The following SLC5A10 variants were observed in gnomAD, a reference collection of about 807,000 sequenced individuals.
The protein encoded by SLC5A10 is solute carrier family 5 member 10.
SLC5A10 carries 55 observed loss-of-function variants against 68.9 expected under a neutral mutation model. That is an observed-to-expected ratio of 0.80 (90% CI 0.64 to 1.00). The LOEUF (loss-of-function observed/expected upper bound fraction) is 1.00, where lower values mean the gene tolerates loss of function less well. Among genes scored for constraint, SLC5A10 ranks in the 50% least tolerant of loss-of-function variants. The pLI, the probability that SLC5A10 is intolerant of heterozygous loss-of-function variation, is 0.00. For missense variants in SLC5A10, 732 were observed against 819.3 expected (o/e 0.89, Z 1.30); for synonymous variants, 344 against 344.8 (o/e 1.00, Z 0.02).
chr17:19,012,903 C>T (rs2044046033), intron 9 of SLC5A10, among the ~76,000 whole-genome samples: 1 of 152,254 alleles, frequency 6.6e-6, no homozygotes, highest in Non-Finnish European at 1.5e-5. Context: ...AGCCCTGCTG[C>T]ATGAGCTGCA....
At chr17:18,961,156 A>G (rs898372297) in intron 5 of SLC5A10, among the ~76,000 whole-genome samples, 3 of 152,134 alleles carry the variant, frequency 2.0e-5, no homozygotes, top group African/African-American at 7.2e-5. Context: ...CTCGAATGTC[A>G]GGGTCAGGAG....
At chr17:19,001,108 A>G (rs1469272824) in intron 9 of SLC5A10, among the ~76,000 whole-genome samples, 1 of 152,198 alleles carries the variant, frequency 6.6e-6, no homozygotes, top group African/African-American at 2.4e-5. Context: ...CATCTGAAAA[A>G]TGAGACAGAT....
chr17:18,977,692 G>T (rs749024147), intron 9 of SLC5A10: 5 of 1,610,268 alleles, frequency 3.1e-6, no homozygotes, highest in Non-Finnish European at 4.2e-6. Flanking sequence ...GTCCAACAAA[G>T]GTCCCTCGGG....
intron 9 of SLC5A10, among the ~76,000 whole-genome samples, chr17:19,007,189 C>A (rs796072459): frequency 7.7e-6 from 1 of 130,002 alleles, no homozygotes; most frequent in Admixed American, 8.5e-5. Context: ...GTGGTGTTAC[C>A]GCTATTTTTT....
At chr17:19,014,778 T>A (rs1055077312) in intron 10 of SLC5A10, among the ~76,000 whole-genome samples, 1 of 152,120 alleles carries the variant, frequency 6.6e-6, no homozygotes, top group African/African-American at 2.4e-5. Context: ...CTCAGCATTA[T>A]GAGTAATTAT....
intron 9 of SLC5A10, among the ~76,000 whole-genome samples, chr17:18,993,694 C>T (rs1393551077): frequency 6.6e-6 from 1 of 152,140 alleles, no homozygotes; most frequent in Non-Finnish European, 1.5e-5. Context: ...TGAGAAGTGC[C>T]GGGGGTGGAC....
chr17:18,979,672 TTC>T (rs1396147667), intron 9 of SLC5A10: 1 of 1,613,224 alleles, frequency 6.2e-7, no homozygotes, highest in Admixed American at 1.7e-5. Context: ...CACTCTGAGA[TTC>T]TGTTTTGGGA....
Position 19,003,364 on chromosome 17 carries a change from G to A in SLC5A10, c.983-10046G>A, listed in dbSNP as rs546032112. Among the ~76,000 whole-genome samples the A allele has an allele frequency of 2.1e-4, 32 of 152,170 alleles. No individual in the cohort carries two copies. Among genetic ancestry groups the A allele is most frequent in the African/African-American group, 7.7e-4 (32 of 41,526 alleles). On this transcript the variant is annotated intron_variant, in intron 9 of 14. Transcript: ENST00000395645. The surrounding 1 kb of genome is among the most constrained non-coding windows in gnomAD (Gnocchi z 4.5). ...GAAACTGCGGATCCCCACGAAGGTG[G>A]GGAGGAAACCTCCACCCAAGAGGCA...
rs151071669 is a variant in SLC5A10 at position 19,000,382 on chromosome 17, G to A, written c.983-13028G>A. 1.0e-3 allele frequency among the ~76,000 whole-genome samples: 157 copies of A among 152,302 alleles called. 6 individuals carry two copies. Among genetic ancestry groups the A allele is most frequent in the Admixed American group, 9.5e-3 (145 of 15,306 alleles). ...TTCCCATTTTACAGATGGGATGACC[G>A]GGGCTTGGAGAGGAGCTGGGGCTTG... On this transcript the variant is annotated intron_variant, in intron 9 of 14. Transcript: ENST00000395645. This position sits in a 1 kb window ranked among gnomAD's most constrained non-coding sequence, Gnocchi z 5.2.
In SLC5A10 at chr17:18,953,063, C is replaced by T. The variant is rs1041112099; in HGVS notation, c.111+747C>T. Among the ~76,000 whole-genome samples the T allele has an allele frequency of 2.6e-5, 4 of 152,042 alleles. No individual in the cohort carries two copies. The South Asian group carries it at 6.2e-4, about 24-fold the overall frequency. ...GGATGTTGGGCTCCACTTCTTAAGC[C>T]CCAGAGGTCCCCAGCCTGGCATCCC... On this transcript the variant is annotated intron_variant, in intron 1 of 14. Coordinates refer to ENST00000395645, the MANE Select transcript of SLC5A10 (RefSeq NM_001042450.4).
upstream of SLC5A10, among the ~76,000 whole-genome samples, chr17:18,951,278 C>T (rs561807051): frequency 5.9e-5 from 9 of 152,364 alleles, no homozygotes; most frequent in East Asian, 7.7e-4. Context: ...AGATGGAACT[C>T]GTCACTGTCA....
At chr17:18,979,403 G>A (rs2043072392) in intron 9 of SLC5A10, 1 of 947,572 alleles carries the variant, frequency 1.1e-6, no homozygotes, top group Non-Finnish European at 1.5e-6. Context: ...GAGACAGACA[G>A]GCGGGCAGAT....
chr17:18,970,799 T>C, intron 7 of SLC5A10: 1 of 582,636 alleles, frequency 1.7e-6, no homozygotes, highest in Non-Finnish European at 3.1e-6. Context: ...AATAGTATTA[T>C]TTTAAATACG....
Position 18,960,671 on chromosome 17 carries a change from C to T in SLC5A10, c.453+19C>T. ...GATATCGGTGAGCTGCCCCCGGCTC[C>T]CTGCTGGCATAGCCTGGAAACATCG... On this transcript the variant is annotated intron_variant, in intron 5 of 14. Transcript: ENST00000395645. 1 of 1,608,640 alleles carries T rather than the reference C, an allele frequency of 6.2e-7. No individual in the cohort carries two copies. Among genetic ancestry groups the T allele is most frequent in the Non-Finnish European group, 8.5e-7 (1 of 1,175,056 alleles).
At chr17:19,002,763 G>A (rs560853201) in intron 9 of SLC5A10, among the ~76,000 whole-genome samples, 3 of 152,288 alleles carry the variant, frequency 2.0e-5, no homozygotes, top group Non-Finnish European at 2.9e-5. Context: ...AATGTGTGAC[G>A]GTGTGTCAGC....
chr17:18,979,599 G>A (rs757307824), intron 9 of SLC5A10: 59 of 1,613,412 alleles, frequency 3.7e-5, no homozygotes, highest in Non-Finnish European at 4.7e-5. Flanking sequence ...TGAACTTCTG[G>A]GCCAGGGCAC....
rs773452393 is a variant in SLC5A10 at position 19,003,728 on chromosome 17, T to A, written c.983-9682T>A. The A allele has an allele frequency of 6.2e-7, 1 of 1,604,900 alleles. No individual in the cohort carries two copies. Among genetic ancestry groups the A allele is most frequent in the African/African-American group, 1.3e-5 (1 of 74,514 alleles). ...CGGCTCGGCCTCGATGGGGACCCCA[T>A]CCGCCCCGCTGGCTTCCTCGCCGTC... On this transcript the variant is annotated intron_variant, in intron 9 of 14. Coordinates refer to ENST00000395645, the MANE Select transcript of SLC5A10 (RefSeq NM_001042450.4). This position sits in a 1 kb window ranked among gnomAD's most constrained non-coding sequence, Gnocchi z 4.5.
intron 11 of SLC5A10, chr17:19,019,162 C>T (rs2044202781): frequency 6.2e-6 from 3 of 481,502 alleles, no homozygotes; most frequent in South Asian, 3.3e-5. Context: ...GGGCTGGCTC[C>T]GCAGAGACCC....
intron 9 of SLC5A10, among the ~76,000 whole-genome samples, chr17:19,001,491 T>C (rs73981287): frequency 0.063 from 9,564 of 152,248 alleles, 1,007 homozygotes; most frequent in African/African-American, 0.22. Flanking sequence ...TGTCCGAGGC[T>C]GGAGGACATC....
Sources: allele counts gnomAD v4.1 joint callset (sites outside exome capture counted in the v4.1 genomes callset), GRCh38; gene constraint gnomAD v4.1.1; non-coding constraint Gnocchi (gnomAD v3.1); transcripts MANE v1.5; gene names NCBI Gene and HGNC (gene_info 2026-07-23, HGNC 2026-07-21).